The following GSN variants were observed in gnomAD, a reference collection of about 807,000 sequenced individuals.
GSN encodes actin-depolymerizing factor.
In GSN, 56 loss-of-function variants were observed where a neutral mutation model predicts 85.7. That is an observed-to-expected ratio of 0.65 (90% CI 0.53 to 0.82). GSN has a LOEUF of 0.82. GSN is among the 40% of genes least tolerant of loss of function. The probability of loss-of-function intolerance (pLI) is 0.00; values close to 1 mark genes in which losing one functional copy is unlikely to be tolerated. For missense variants in GSN, 857 were observed against 979.8 expected (o/e 0.87, Z 1.67); for synonymous variants, 373 against 399.1 (o/e 0.93, Z 0.78).
chr9:121,268,770 C>G (rs990235413), intron 1 of GSN, among the ~76,000 whole-genome samples: 1 of 152,188 alleles, frequency 6.6e-6, no homozygotes, highest in African/African-American at 2.4e-5. Context: ...GGCTTCTCCC[C>G]GGCCCTGCAG....
At position 121,326,507 on chromosome 9, in the gene GSN, G is replaced by T; in HGVS notation, c.1417-5G>T. 1 of 1,613,362 alleles carries T rather than the reference G, an allele frequency of 6.2e-7. No individual in the cohort carries two copies. The highest frequency in any genetic ancestry group is 8.5e-7 in the Non-Finnish European group (1 of 1,179,822). ...CCCTGACTTGCTCTCCTGTCTCCCT[G>T]CCAGAGCCGTGTGGTCCAAGGCAAG... is the stretch of plus-strand genomic sequence containing the variant. On this transcript the variant is annotated splice_polypyrimidine_tract_variant and splice_region_variant and intron_variant, in intron 12 of 17. Transcript: ENST00000432226.
rs62578450 is a variant in GSN at position 121,223,420 on chromosome 9, G to A, written c.-527-7745G>A. Among the ~76,000 whole-genome samples, 9 of 152,184 alleles carry A rather than the reference G, an allele frequency of 5.9e-5. No individual in the cohort carries two copies. In the South Asian group the frequency reaches 6.2e-4, roughly 11 times the overall value. Reference sequence around the variant, plus strand: ...AATAGCCTAGTCAGAGACAGGGAAAGACCCCTATAGAATCAGGTAACCCCC... The same window carrying A: ...AATAGCCTAGTCAGAGACAGGGAAAAACCCCTATAGAATCAGGTAACCCCC... On this transcript the variant is annotated intron_variant, in intron 4 of 24. Transcript: ENST00000373823.
chr9:121,322,064 G>A (rs957434634), intron 11 of GSN, among the ~76,000 whole-genome samples: 1 of 152,066 alleles, frequency 6.6e-6, no homozygotes, highest in South Asian at 2.1e-4. Flanking sequence ...TTAAAACAGA[G>A]AATACATTTA....
At chr9:121,324,485 G>C (rs2062901824) in intron 11 of GSN, 69 bp from the exon 12 acceptor site, 2 of 801,250 alleles carry the variant, frequency 2.5e-6, no homozygotes, top group South Asian at 2.9e-5. Flanking sequence ...AGGTTTCTCA[G>C]ACTCAGGGCA....
upstream of GSN, among the ~76,000 whole-genome samples, chr9:121,264,769 C>T (rs1436502862): frequency 6.6e-6 from 1 of 152,112 alleles, no homozygotes; most frequent in Non-Finnish European, 1.5e-5. Flanking sequence ...GGAAGTGCAC[C>T]CCCTCCACCC....
chr9:121,329,360 G>A lies in GSN; in HGVS notation c.1965+45G>A, dbSNP rs1564607139. On this transcript the variant is annotated intron_variant, in intron 16 of 17. Coordinates refer to ENST00000432226, the MANE Select transcript of GSN (RefSeq NM_198252.3). The surrounding 1 kb of genome is among the most constrained non-coding windows in gnomAD (Gnocchi z 4.6). ...AGGCTCTCTGTGCCAGAGGGAGTGG[G>A]AGAAACTAGACTTCCAGTTCTATGA... 1.8e-6 allele frequency: 2 copies of A among 1,104,578 alleles called. No individual in the cohort carries two copies. Among genetic ancestry groups the A allele is most frequent in the Admixed American group, 1.7e-5 (1 of 59,402 alleles). 68.4% of individuals were successfully genotyped at this position (1,104,578 alleles called of 1,614,324 possible). A position where few individuals can be genotyped will look rare whatever the true frequency, so the allele number is the denominator to read the frequency against.
chr9:121,321,762 G>A (rs147735911), intron 11 of GSN, among the ~76,000 whole-genome samples: 5,868 of 151,440 alleles, frequency 0.039, 338 homozygotes, highest in Admixed American at 0.15. Flanking sequence ...TTTATTTTGA[G>A]ACAGAGTTTT....
At chr9:121,272,371 G>A (rs1213749184) in intron 1 of GSN, among the ~76,000 whole-genome samples, 1 of 152,194 alleles carries the variant, frequency 6.6e-6, no homozygotes, top group African/African-American at 2.4e-5. Flanking sequence ...TGGGTGACTT[G>A]GGCTAATGCA....
At chr9:121,300,133 A>G in intron 2 of GSN, 1 of 1,596,796 alleles carries the variant, frequency 6.3e-7, no homozygotes, top group East Asian at 2.2e-5. Context: ...CTTTGTAAGT[A>G]TCTCTTGCTG....
chr9:121,220,879 G>A (rs2054157440), intron 4 of GSN, among the ~76,000 whole-genome samples: 1 of 152,206 alleles, frequency 6.6e-6, no homozygotes, highest in African/African-American at 2.4e-5. Context: ...TTCTATTGAT[G>A]TAGCAATAGA....
At chr9:121,224,526 G>C (rs1263578238) in intron 4 of GSN, among the ~76,000 whole-genome samples, 1 of 152,082 alleles carries the variant, frequency 6.6e-6, no homozygotes, top group African/African-American at 2.4e-5. Context: ...GGTACAAAAA[G>C]AGATCCATCT....
intron 4 of GSN, among the ~76,000 whole-genome samples, chr9:121,211,244 G>A (rs2053963246): frequency 1.3e-5 from 2 of 152,284 alleles, no homozygotes; most frequent in South Asian, 4.1e-4. Context: ...GATGGATAGT[G>A]GTGGCGGTTA....
At chr9:121,300,176 G>A in intron 2 of GSN, 1 of 1,297,806 alleles carries the variant, frequency 7.7e-7, no homozygotes, top group Admixed American at 1.7e-5. Flanking sequence ...ACGAGGGTGG[G>A]AGCCTCGGGG....
chr9:121,306,712 G>A (rs2060458701), intron 4 of GSN, among the ~76,000 whole-genome samples: 1 of 152,168 alleles, frequency 6.6e-6, no homozygotes, highest in Non-Finnish European at 1.5e-5. Context: ...TCAAAAACAG[G>A]AAAAACTTCA....
chr9:121,317,340 G>C (rs1388990950), intron 8 of GSN, 122 bp downstream of exon 8: 1 of 1,122,688 alleles, frequency 8.9e-7, no homozygotes, highest in Non-Finnish European at 1.3e-6. Flanking sequence ...GAAATCAGAA[G>C]TCTTGGGCTG....
At chr9:121,202,941 ACGGTGAAACCC>A (rs2053824334), upstream of GSN, among the ~76,000 whole-genome samples, 1 of 152,112 alleles carries the variant, frequency 6.6e-6, no homozygotes, top group Non-Finnish European at 1.5e-5. Context: ...CTTGGCTAAC[ACGGTGAAACCC>A]CGTCTCTACT....
In GSN at chr9:121,332,734, T is replaced by A. The variant is rs2064101351; in HGVS notation, c.*131T>A. 1.5e-6 allele frequency: 1 copy of A among 686,614 alleles called. No homozygotes were observed. Among genetic ancestry groups the A allele is most frequent in the Admixed American group, 3.0e-5 (1 of 33,786 alleles). 42.5% of individuals were successfully genotyped at this position (686,614 alleles called of 1,614,324 possible). A position where few individuals can be genotyped will look rare whatever the true frequency, so the allele number is the denominator to read the frequency against. ...TGTGTGTGTGTTGTTTCTTTTTTTTTTTTTTACAGTATCCAAAAATAGCCC... is the reference window on the plus strand; with the variant it reads ...TGTGTGTGTGTTGTTTCTTTTTTTTATTTTTACAGTATCCAAAAATAGCCC... On this transcript the variant is annotated 3_prime_UTR_variant, in exon 18 of 18. Coordinates refer to ENST00000432226, the MANE Select transcript of GSN (RefSeq NM_198252.3). This position sits in a 1 kb window ranked among gnomAD's most constrained non-coding sequence, Gnocchi z 4.8.
Position 121,326,528 on chromosome 9 carries a change from G to T in GSN, c.1433G>T (p.Gly478Val), listed in dbSNP as rs774534165. The T allele has an allele frequency of 1.2e-6, 2 of 1,613,848 alleles. No homozygotes were observed. The change falls in exon 13 of 18, where the codon GGC (glycine) becomes GTC (valine). Residue 478 changes from glycine (G) to valine (V), a missense_variant. By Grantham distance (109) the Gly-to-Val change is moderately radical. Coordinates refer to ENST00000432226, the MANE Select transcript of GSN (RefSeq NM_198252.3). Reference protein sequence around the residue: ...GTPVQSRVVQGKEPAHLMSLF... With the variant: ...GTPVQSRVVQVKEPAHLMSLF... ...CCCTGCCAGAGCCGTGTGGTCCAAG[G>T]CAAGGAGCCCGCCCACCTCATGAGC...
chr9:121,299,919 G>A lies in GSN; in HGVS notation c.-9-2044G>A, dbSNP rs772098788. 8 of 1,262,686 alleles carry A rather than the reference G, an allele frequency of 6.3e-6. No individual in the cohort carries two copies. The South Asian group carries it at 2.4e-4, about 37-fold the overall frequency. The allele number at this position is 1,262,686 out of a possible 1,614,324, so 78.2% of individuals were successfully genotyped here. ...TTGCGCGCTGTCCCTGGCGCTGTGC[G>A]CGCTGTCGCTGCCCGTCCGCGCGGC... On this transcript the variant is annotated intron_variant, in intron 2 of 17. Coordinates refer to ENST00000432226, the MANE Select transcript of GSN (RefSeq NM_198252.3). The surrounding 1 kb of genome is among the most constrained non-coding windows in gnomAD (Gnocchi z 4.2).
Sources: allele counts gnomAD v4.1 joint callset (sites outside exome capture counted in the v4.1 genomes callset), GRCh38; gene constraint gnomAD v4.1.1; non-coding constraint Gnocchi (gnomAD v3.1); transcripts MANE v1.5; gene names NCBI Gene and HGNC (gene_info 2026-07-23, HGNC 2026-07-21).